The following INPP4B variants were observed in gnomAD, a reference collection of about 807,000 sequenced individuals.
INPP4B encodes inositol polyphosphate 4-phosphatase type II.
In INPP4B, 55 loss-of-function variants were observed where a neutral mutation model predicts 122.5. The ratio of observed to expected loss-of-function variants is 0.45; its 90% confidence interval spans 0.36 to 0.56. The LOEUF is 0.56. Ranked by LOEUF, INPP4B falls within the 20% of genes least tolerant of loss-of-function variation. The probability of loss-of-function intolerance (pLI) is 0.00; values close to 1 mark genes in which losing one functional copy is unlikely to be tolerated. For missense variants in INPP4B, 1,000 were observed against 1,097.7 expected, an observed-to-expected ratio of 0.91 and a Z score of 1.26; for synonymous variants, 403 against 388.7, an observed-to-expected ratio of 1.04 and a Z score of -0.43.
rs576526408 is a variant in INPP4B, at chr4:142,535,183, GCATCTAGAGACA to G, written c.-190-72469_-190-72458del. On this transcript the variant is annotated intron_variant, in intron 2 of 25. Transcript: ENST00000262992. The stretch of plus-strand genomic sequence containing the variant: ...TTGATGATTCAACAAAAGTCCCTGA[GCATCTAGAGACA>G]CATCTTTTGTCTGATGTTGTCCCTT... Among the ~76,000 whole-genome samples, 147 of 152,268 alleles carry G rather than the reference GCATCTAGAGACA, an allele frequency of 9.7e-4. 1 individual carries two copies. The highest frequency in any genetic ancestry group is 3.5e-3 in the African/African-American group (144 of 41,562).
At chr4:142,325,398 G>A (rs1771943844) in intron 7 of INPP4B, among the ~76,000 whole-genome samples, 1 of 152,156 alleles carries the variant, frequency 6.6e-6, no homozygotes, top group Admixed American at 6.5e-5. Flanking sequence ...ATAATGACAG[G>A]TGGTTCCTTT....
intron 2 of INPP4B, among the ~76,000 whole-genome samples, chr4:142,538,750 G>A (rs1429236317): frequency 2.0e-5 from 3 of 151,994 alleles, no homozygotes; most frequent in Non-Finnish European, 2.9e-5. Context: ...TGCAGGCATG[G>A]ATGCGAAGGT....
At chr4:142,180,785 G>A (rs1198591778) in intron 15 of INPP4B, among the ~76,000 whole-genome samples, 1 of 151,968 alleles carries the variant, frequency 6.6e-6, no homozygotes, top group Non-Finnish European at 1.5e-5. Context: ...ACTAATATGG[G>A]AAACATTTTT....
chr4:142,371,099 C>G (rs1789716946), intron 7 of INPP4B, among the ~76,000 whole-genome samples: 1 of 151,972 alleles, frequency 6.6e-6, no homozygotes, highest in South Asian at 2.1e-4. Context: ...ACCAATGGAA[C>G]AGAAGAGAGA....
At chr4:142,160,301 C>A in intron 17 of INPP4B, 57 bp downstream of exon 17, 1 of 1,159,680 alleles carries the variant, frequency 8.6e-7, no homozygotes, top group Non-Finnish European at 1.2e-6. Flanking sequence ...TCTGATCATT[C>A]CTACCTTATT....
intron 25 of INPP4B, among the ~76,000 whole-genome samples, chr4:142,074,012 A>G (rs1299028071): frequency 6.6e-6 from 1 of 152,056 alleles, no homozygotes; most frequent in Non-Finnish European, 1.5e-5. Context: ...CCAGCTAAAA[A>G]GCTTCACATC....
chr4:142,413,352 A>C (rs1156465039), intron 5 of INPP4B, among the ~76,000 whole-genome samples: 1 of 152,184 alleles, frequency 6.6e-6, no homozygotes, highest in Admixed American at 6.5e-5. Context: ...AGACTGAAAG[A>C]AAAGAAATCA....
At chr4:142,187,098 T>C (rs149699384) in intron 15 of INPP4B, among the ~76,000 whole-genome samples, 5 of 147,722 alleles carry the variant, frequency 3.4e-5, no homozygotes, top group African/African-American at 1.3e-4. Context: ...AAAAAAAAAA[T>C]GTACTCCCAA....
chr4:142,343,242 T>C (rs1779246714), intron 7 of INPP4B, among the ~76,000 whole-genome samples: 1 of 152,112 alleles, frequency 6.6e-6, no homozygotes, highest in African/African-American at 2.4e-5. Context: ...TGGTCTCAGT[T>C]CATTCCTGTG....
intron 12 of INPP4B, among the ~76,000 whole-genome samples, chr4:142,213,718 A>G (rs1407518144): frequency 2.0e-5 from 3 of 152,192 alleles, no homozygotes; most frequent in Admixed American, 6.5e-5. Context: ...AATGCTTAAC[A>G]TACATATGCA....
intron 2 of INPP4B, among the ~76,000 whole-genome samples, chr4:142,530,485 G>A (rs971616609): frequency 1.3e-5 from 2 of 150,498 alleles, no homozygotes; most frequent in South Asian, 4.2e-4. Flanking sequence ...AGGAAAAATG[G>A]AATAAACTAG....
At position 142,787,839 on chromosome 4, in the gene INPP4B, T is replaced by C. The variant is rs114287669; in HGVS notation, c.-254+58370A>G. 5.9e-3 allele frequency among the ~76,000 whole-genome samples: 891 copies of C among 152,040 alleles called. 16 individuals are homozygous for C. The highest frequency in any genetic ancestry group is 0.021 in the African/African-American group (856 of 41,480). On this transcript the variant is annotated intron_variant, in intron 1 of 25. Coordinates refer to ENST00000262992, the MANE Select transcript of INPP4B (RefSeq NM_001101669.3). ...ATTTACAATAAGCACCAAGTAAATATAACTGTTATAAACATTCTGAGAGAC... is the reference window on the plus strand; with the variant it reads ...ATTTACAATAAGCACCAAGTAAATACAACTGTTATAAACATTCTGAGAGAC...
intron 14 of INPP4B, among the ~76,000 whole-genome samples, chr4:142,204,910 AGTTT>A (rs1842049915): frequency 6.6e-6 from 1 of 152,118 alleles, no homozygotes; most frequent in Non-Finnish European, 1.5e-5. Context: ...TTAGCAACCC[AGTTT>A]GTGGTGCTTT....
chr4:142,344,556 C>A (rs943539840), intron 7 of INPP4B, among the ~76,000 whole-genome samples: 7 of 151,960 alleles, frequency 4.6e-5, no homozygotes, highest in Non-Finnish European at 8.8e-5. Context: ...AAAAATCAAC[C>A]TTTTTCCAGC....
rs540262341 is a variant in INPP4B, at chr4:142,688,232, C to A, written c.-191+37607G>T. ...ATCCTGTTTAGTAGGTAACTGAAGA[C>A]TATTTCCTTGTCTTTCTATTTTCAC... On this transcript the variant is annotated intron_variant, in intron 2 of 25. Coordinates refer to ENST00000262992, the MANE Select transcript of INPP4B (RefSeq NM_001101669.3). Among the ~76,000 whole-genome samples, 23 of 152,220 alleles carry A rather than the reference C, an allele frequency of 1.5e-4. No homozygotes were observed. The South Asian group carries it at 4.4e-3, about 29-fold the overall frequency.
rs1809238603 is a variant in INPP4B, at chr4:142,431,237, G to T, written c.23C>A (p.Ala8Glu). MEIKEEG[A>E]SEEGQHFLPT... ...AAGAAAGTGCTGCCCTTCTTCTGAT[G>T]CCCCTTCCTCTTTAATTTCCATGAT... Residue 8 changes from alanine to glutamate, a missense_variant, in exon 4 of 26, where the codon GCA becomes GAA. Physicochemically the swap from Ala to Glu is moderately radical, Grantham distance 107 (BLOSUM62 -1). Transcript: ENST00000262992. The T allele has an allele frequency of 6.2e-7, 1 of 1,612,944 alleles. No homozygotes were observed. Among genetic ancestry groups the T allele is most frequent in the South Asian group, 1.1e-5 (1 of 91,046 alleles).
At chr4:142,252,186 ATTTTTTTTTT>A (rs36065435) in intron 11 of INPP4B, among the ~76,000 whole-genome samples, 1 of 90,226 alleles carries the variant, frequency 1.1e-5, no homozygotes, top group African/African-American at 3.7e-5. Flanking sequence ...TATAGTAGTC[ATTTTTTTTTT>A]TTTTTTTTTT....
At chr4:142,244,245 CT>C (rs1046665856) in intron 11 of INPP4B, among the ~76,000 whole-genome samples, 1 of 131,708 alleles carries the variant, frequency 7.6e-6, no homozygotes, top group Non-Finnish European at 1.6e-5. Context: ...ATGAACTCAT[CT>C]TTTTTTTATG....
At chr4:142,558,046 G>A (rs925620731) in intron 2 of INPP4B, among the ~76,000 whole-genome samples, 4 of 152,194 alleles carry the variant, frequency 2.6e-5, no homozygotes, top group African/African-American at 4.8e-5. Context: ...CATCTCTGGT[G>A]CCAACCATGG....
Sources: allele counts gnomAD v4.1 joint callset (sites outside exome capture counted in the v4.1 genomes callset), GRCh38; gene constraint gnomAD v4.1.1; transcripts MANE v1.5; gene names NCBI Gene and HGNC (gene_info 2026-07-23, HGNC 2026-07-21).